The following ST6GALNAC3 variants were observed in gnomAD, a reference collection of about 807,000 sequenced individuals.
The protein encoded by ST6GALNAC3 is alpha-N-acetylgalactosaminide alpha-2,6-sialyltransferase 3.
A neutral mutation model predicts 32.7 loss-of-function variants in ST6GALNAC3; 25 were observed. The observed-to-expected ratio is 0.76, with a 90% CI of 0.56 to 1.07. The LOEUF (loss-of-function observed/expected upper bound fraction) is 1.07. Ranked by LOEUF, ST6GALNAC3 falls within the 50% of genes least tolerant of loss-of-function variation. The probability of loss-of-function intolerance (pLI) is 0.00; values close to 1 mark genes in which losing one functional copy is unlikely to be tolerated. For synonymous variants in ST6GALNAC3, 129 were observed against 133.1 expected, an observed-to-expected ratio of 0.97 and a Z score of 0.21; for missense variants, 355 against 382.4, an observed-to-expected ratio of 0.93 and a Z score of 0.60.
intron 3 of ST6GALNAC3, among the ~76,000 whole-genome samples, chr1:76,601,833 A>G (rs369408605): frequency 6.6e-6 from 1 of 152,218 alleles, no homozygotes; most frequent in African/African-American, 2.4e-5. Flanking sequence ...AGTGCTGAAC[A>G]TGACCAGTTG....
chr1:76,471,528 A>G (rs374037463), intron 3 of ST6GALNAC3, among the ~76,000 whole-genome samples: 22 of 152,252 alleles, frequency 1.4e-4, no homozygotes, highest in East Asian at 9.7e-4. Context: ...GGCAAACAAC[A>G]TATTTATACT....
intron 2 of ST6GALNAC3, among the ~76,000 whole-genome samples, chr1:76,382,641 A>G (rs1158701784): frequency 2.0e-5 from 3 of 152,220 alleles, no homozygotes; most frequent in Non-Finnish European, 4.4e-5. Context: ...GGTCCCTGAC[A>G]ACATAGAGTG....
At chr1:76,275,149 G>T (rs1426790399) in intron 1 of ST6GALNAC3, among the ~76,000 whole-genome samples, 1 of 152,188 alleles carries the variant, frequency 6.6e-6, no homozygotes, top group Admixed American at 6.5e-5. Flanking sequence ...TTTAGGAAAA[G>T]ATTCATTGCA....
intron 1 of ST6GALNAC3, among the ~76,000 whole-genome samples, chr1:76,205,516 G>A (rs570304071): frequency 6.6e-6 from 1 of 152,280 alleles, no homozygotes; most frequent in East Asian, 1.9e-4. Flanking sequence ...AAATGGATCA[G>A]TGACATTCCA....
At chr1:76,566,192 TATG>T (rs1665545448) in intron 3 of ST6GALNAC3, among the ~76,000 whole-genome samples, 1 of 152,146 alleles carries the variant, frequency 6.6e-6, no homozygotes, top group Non-Finnish European at 1.5e-5. Flanking sequence ...ATAGTGACAG[TATG>T]TCAGGTGTGG....
chr1:76,346,050 A>C (rs1310970670), intron 2 of ST6GALNAC3, among the ~76,000 whole-genome samples: 3 of 148,206 alleles, frequency 2.0e-5, no homozygotes. Context: ...CCTGCTAGCT[A>C]CTCCCCCACT....
At chr1:76,421,080 T>C (rs1483453280) in intron 3 of ST6GALNAC3, among the ~76,000 whole-genome samples, 1 of 152,048 alleles carries the variant, frequency 6.6e-6, no homozygotes, top group Non-Finnish European at 1.5e-5. Context: ...ATTTAATGGG[T>C]GAATGAATAA....
intron 3 of ST6GALNAC3, among the ~76,000 whole-genome samples, chr1:76,481,176 G>A (rs768167824): frequency 6.6e-6 from 1 of 152,166 alleles, no homozygotes; most frequent in Non-Finnish European, 1.5e-5. Context: ...GATGTAGGAT[G>A]TGCTATTATT....
chr1:76,248,649 A>G (rs750173702), intron 1 of ST6GALNAC3, among the ~76,000 whole-genome samples: 1 of 152,138 alleles, frequency 6.6e-6, no homozygotes, highest in Non-Finnish European at 1.5e-5. Context: ...GTATTTTCCA[A>G]TACTTCTCTC....
intron 1 of ST6GALNAC3, among the ~76,000 whole-genome samples, chr1:76,077,964 T>C (rs1288172883): frequency 6.6e-6 from 1 of 152,132 alleles, no homozygotes; most frequent in Non-Finnish European, 1.5e-5. Context: ...AATGAGTGCT[T>C]AGGTTACAAT....
chr1:76,544,392 T>C (rs1256451940), intron 3 of ST6GALNAC3, among the ~76,000 whole-genome samples: 3 of 151,902 alleles, frequency 2.0e-5, no homozygotes, highest in African/African-American at 7.3e-5. Flanking sequence ...GTGGAAGGAG[T>C]GAGATCAATT....
At chr1:76,185,424 G>T (rs1369115570) in intron 1 of ST6GALNAC3, among the ~76,000 whole-genome samples, 3 of 152,008 alleles carry the variant, frequency 2.0e-5, no homozygotes, top group Non-Finnish European at 2.9e-5. Flanking sequence ...TCTTTATTTT[G>T]TTCTTAAAAC....
At chr1:76,105,128 T>G (rs540132198) in intron 1 of ST6GALNAC3, among the ~76,000 whole-genome samples, 1 of 152,196 alleles carries the variant, frequency 6.6e-6, no homozygotes, top group Non-Finnish European at 1.5e-5. Flanking sequence ...TTTTTATGAT[T>G]AAAAATTCCA....
intron 1 of ST6GALNAC3, among the ~76,000 whole-genome samples, chr1:76,240,261 A>G (rs1319492984): frequency 6.6e-6 from 1 of 152,226 alleles, no homozygotes; most frequent in East Asian, 1.9e-4. Context: ...ATGATGTTTT[A>G]CGTAGAACTG....
intron 1 of ST6GALNAC3, among the ~76,000 whole-genome samples, chr1:76,135,813 A>G (rs776859544): frequency 7.2e-5 from 11 of 152,212 alleles, no homozygotes; most frequent in Non-Finnish European, 1.3e-4. Flanking sequence ...GTTTCCACCC[A>G]TGCGGCTCTC....
intron 3 of ST6GALNAC3, among the ~76,000 whole-genome samples, chr1:76,620,293 A>C (rs1290681223): frequency 6.6e-6 from 1 of 152,034 alleles, no homozygotes. Flanking sequence ...AAGTTTAAGG[A>C]GCAATAAATG....
At chr1:76,490,488 A>C (rs568931750) in intron 3 of ST6GALNAC3, among the ~76,000 whole-genome samples, 3 of 149,282 alleles carry the variant, frequency 2.0e-5, no homozygotes, top group South Asian at 2.1e-4. Context: ...ATATATATTT[A>C]TATATCAATA....
chr1:76,403,974 G>A (rs987929737), intron 2 of ST6GALNAC3, among the ~76,000 whole-genome samples: 2 of 151,886 alleles, frequency 1.3e-5, no homozygotes, highest in South Asian at 4.2e-4. Context: ...CGTTCCTCTG[G>A]CACATGTACA....
At chr1:76,188,379 T>C (rs1433038136) in intron 1 of ST6GALNAC3, among the ~76,000 whole-genome samples, 2 of 152,106 alleles carry the variant, frequency 1.3e-5, no homozygotes, top group African/African-American at 4.8e-5. Flanking sequence ...AACATCTGTA[T>C]GTATTTAGTA....
Sources: gnomAD v4.1 joint callset for allele counts (sites outside exome capture counted in the v4.1 genomes callset) on GRCh38, gnomAD v4.1.1 for gene constraint, MANE v1.5 for transcripts, NCBI Gene and HGNC (gene_info 2026-07-23, HGNC 2026-07-21) for gene names.